CSMD1: variants seen among roughly 807,000 people sequenced by gnomAD.
CSMD1 encodes CUB and Sushi multiple domains 1.
Under a neutral mutation model 417.5 loss-of-function variants are expected in CSMD1, and 213 were observed. That is an observed-to-expected ratio of 0.51 (90% CI 0.46 to 0.57). The LOEUF (loss-of-function observed/expected upper bound fraction) is 0.57. CSMD1 is among the 20% of genes least tolerant of loss of function. The pLI is 0.00. For synonymous variants in CSMD1, 2,862 were observed against 1,736.8 expected (o/e 1.65, Z -16.11); for missense variants, 6,923 against 4,529.7 (o/e 1.53, Z -15.17).
intron 3 of CSMD1, among the ~76,000 whole-genome samples, chr8:4,046,191 T>C (rs1277060838): frequency 6.6e-6 from 1 of 152,116 alleles, no homozygotes; most frequent in African/African-American, 2.4e-5. Flanking sequence ...TATGTGTGCG[T>C]GTGTGTGTAG....
At chr8:4,246,940 T>C (rs1802749914) in intron 3 of CSMD1, among the ~76,000 whole-genome samples, 1 of 152,212 alleles carries the variant, frequency 6.6e-6, no homozygotes, top group South Asian at 2.1e-4. Context: ...AGAATGTAGA[T>C]AATATTGAAA....
At chr8:4,065,291 A>ATCC (rs750266771) in intron 3 of CSMD1, among the ~76,000 whole-genome samples, 1 of 152,222 alleles carries the variant, frequency 6.6e-6, no homozygotes, top group Non-Finnish European at 1.5e-5. Context: ...GTGCTTCCCC[A>ATCC]TCCCCCTCAG....
chr8:4,455,401 G>C (rs756755006), intron 2 of CSMD1, among the ~76,000 whole-genome samples: 6 of 152,124 alleles, frequency 3.9e-5, no homozygotes, highest in East Asian at 1.9e-4. Flanking sequence ...TTTATACACA[G>C]CTGTCATGTG....
chr8:4,965,654 A>C (rs1809810786), intron 1 of CSMD1, among the ~76,000 whole-genome samples: 2 of 152,220 alleles, frequency 1.3e-5, no homozygotes, highest in South Asian at 2.1e-4. Flanking sequence ...AGTGGAATGA[A>C]AGTACATGCT....
At chr8:3,301,981 A>T (rs566452182) in intron 25 of CSMD1, among the ~76,000 whole-genome samples, 5 of 152,272 alleles carry the variant, frequency 3.3e-5, no homozygotes, top group African/African-American at 1.2e-4. Flanking sequence ...CATATAATTT[A>T]TCAAAAGAAT....
chr8:4,273,539 A>G (rs1804732837), intron 3 of CSMD1, among the ~76,000 whole-genome samples: 2 of 152,124 alleles, frequency 1.3e-5, no homozygotes, highest in African/African-American at 4.8e-5. Context: ...ATTAACTTCA[A>G]TTTTCAGTTA....
At chr8:4,571,533 A>G (rs201428942) in intron 2 of CSMD1, among the ~76,000 whole-genome samples, 2 of 152,106 alleles carry the variant, frequency 1.3e-5, no homozygotes, top group Non-Finnish European at 2.9e-5. Flanking sequence ...ATGTTCCTTT[A>G]CATTTGCTGA....
intron 7 of CSMD1, among the ~76,000 whole-genome samples, chr8:3,631,695 A>C (rs905452523): frequency 1.3e-5 from 2 of 152,216 alleles, no homozygotes; most frequent in Non-Finnish European, 2.9e-5. Context: ...CGTCAGACGG[A>C]GGGAAGAAAT....
chr8:3,358,770 C>T (rs780164450), intron 21 of CSMD1, among the ~76,000 whole-genome samples: 61 of 152,224 alleles, frequency 4.0e-4, no homozygotes, highest in Non-Finnish European at 5.4e-4. Flanking sequence ...ACACGTGCTG[C>T]TTTTAATCAA....
chr8:4,278,027 A>G (rs182884190), intron 3 of CSMD1, among the ~76,000 whole-genome samples: 359 of 152,248 alleles, frequency 2.4e-3, no homozygotes, highest in Non-Finnish European at 3.9e-3. Flanking sequence ...GATTACAAGC[A>G]TGAGCCACGG....
intron 2 of CSMD1, among the ~76,000 whole-genome samples, chr8:4,588,721 G>A (rs1466758398): frequency 6.6e-6 from 1 of 151,258 alleles, no homozygotes; most frequent in Non-Finnish European, 1.5e-5. Flanking sequence ...GGAGGCAGAG[G>A]TTGCAGTAAG....
At chr8:3,569,874 G>C (rs886706711) in intron 10 of CSMD1, among the ~76,000 whole-genome samples, 2 of 152,078 alleles carry the variant, frequency 1.3e-5, no homozygotes, top group Non-Finnish European at 2.9e-5. Context: ...GGAATACCTT[G>C]TTTCTTCTCT....
At chr8:4,429,011 G>T (rs544017122) in intron 2 of CSMD1, among the ~76,000 whole-genome samples, 1 of 151,988 alleles carries the variant, frequency 6.6e-6, no homozygotes, top group African/African-American at 2.4e-5. Flanking sequence ...ACTGCACGTC[G>T]GCCTTATCTT....
At chr8:4,439,490 G>A (rs896564472) in intron 2 of CSMD1, among the ~76,000 whole-genome samples, 3 of 151,958 alleles carry the variant, frequency 2.0e-5, no homozygotes, top group East Asian at 1.9e-4. Flanking sequence ...TCCGTTTGAC[G>A]AACAAGCTGA....
chr8:3,111,447 G>C (rs1466905866), intron 42 of CSMD1, among the ~76,000 whole-genome samples: 2 of 152,270 alleles, frequency 1.3e-5, no homozygotes, highest in East Asian at 3.9e-4. Context: ...GGATTTGTAA[G>C]CTGGAGAAGC....
intron 5 of CSMD1, among the ~76,000 whole-genome samples, chr8:3,759,904 C>CAAAAA (rs71203472): frequency 4.2e-5 from 4 of 95,652 alleles, no homozygotes; most frequent in Non-Finnish European, 6.1e-5. Flanking sequence ...GAGACTGTCT[C>CAAAAA]AAAAAAAAAA....
At chr8:3,401,980 T>A (rs1812066023) in intron 15 of CSMD1, among the ~76,000 whole-genome samples, 1 of 151,934 alleles carries the variant, frequency 6.6e-6, no homozygotes, top group Non-Finnish European at 1.5e-5. Flanking sequence ...ATGATTTAAA[T>A]TACAGTGATG....
intron 1 of CSMD1, among the ~76,000 whole-genome samples, chr8:4,883,215 AGCAACATGGTTGATT>A (rs1405138433): frequency 4.6e-5 from 7 of 152,244 alleles, no homozygotes; most frequent in Admixed American, 1.3e-4. Flanking sequence ...CGTCTACCAG[AGCAACATGGTTGATT>A]TCTAACAAGG....
intron 2 of CSMD1, among the ~76,000 whole-genome samples, chr8:4,526,491 C>G (rs943326523): frequency 6.6e-6 from 1 of 152,070 alleles, no homozygotes; most frequent in Non-Finnish European, 1.5e-5. Flanking sequence ...ATTGTGCAAG[C>G]AAGAATACAC....
Sources: allele counts gnomAD v4.1 joint callset (sites outside exome capture counted in the v4.1 genomes callset), GRCh38; gene constraint gnomAD v4.1.1; transcripts MANE v1.5; gene names NCBI Gene and HGNC (gene_info 2026-07-23, HGNC 2026-07-21).